Variants in SLC1A2 observed in about 807,000 individuals in gnomAD.
The protein encoded by SLC1A2 is solute carrier family 1 member 2.
A neutral mutation model predicts 48.8 loss-of-function variants in SLC1A2; 15 were observed. The ratio of observed to expected loss-of-function variants is 0.31; its 90% CI spans 0.21 to 0.47. The LOEUF (loss-of-function observed/expected upper bound fraction) is 0.47, where lower values mean the gene tolerates loss of function less well. SLC1A2 is among the 20% of genes least tolerant of loss of function. The pLI is 0.99. For synonymous variants in SLC1A2, 279 were observed against 272.6 expected (o/e 1.02, Z -0.23); for missense variants, 502 against 730.5 (o/e 0.69, Z 3.61).
intron 4 of SLC1A2, among the ~76,000 whole-genome samples, chr11:35,310,531 A>T (rs1851654408): frequency 6.6e-6 from 1 of 152,244 alleles, no homozygotes. Flanking sequence ...ACCAGGGAAC[A>T]TATCCCAACC....
intron 1 of SLC1A2, among the ~76,000 whole-genome samples, chr11:35,403,278 G>A (rs1034695966): frequency 6.6e-6 from 1 of 152,228 alleles, no homozygotes; most frequent in African/African-American, 2.4e-5. Context: ...CTACTGAGTG[G>A]TGGAACAGGA....
At position 35,341,881 on chromosome 11, in the gene SLC1A2, G is replaced by A. The variant is rs1392171557; in HGVS notation, c.18-24365C>T. The stretch of plus-strand genomic sequence containing the variant: ...ACCTAAATGTCATCAATAGAGGAGT[G>A]CTTAATAAATTCTGATATATTTTGA... On this transcript the variant is annotated intron_variant, in intron 1 of 10. Transcript: ENST00000278379. Among the ~76,000 whole-genome samples the A allele has an allele frequency of 5.3e-5, 8 of 152,222 alleles. No individual in the cohort carries two copies. The South Asian group carries it at 1.4e-3, about 28-fold the overall frequency.
intron 1 of SLC1A2, chr11:35,323,069 C>T (rs1852129089): frequency 5.3e-6 from 2 of 378,954 alleles, no homozygotes; most frequent in Non-Finnish European, 9.6e-6. Flanking sequence ...CCAAAGTCTC[C>T]TTCAGTCCCT....
chr11:35,353,995 T>C (rs1853364915), intron 1 of SLC1A2, among the ~76,000 whole-genome samples: 1 of 152,212 alleles, frequency 6.6e-6, no homozygotes, highest in Non-Finnish European at 1.5e-5. Flanking sequence ...TTAAAAATCC[T>C]ATAATCCTGG....
At chr11:35,295,562 G>A (rs1042839809) in intron 6 of SLC1A2, among the ~76,000 whole-genome samples, 2 of 152,198 alleles carry the variant, frequency 1.3e-5, no homozygotes, top group African/African-American at 4.8e-5. Context: ...AGGGCTCCAC[G>A]GAGAGTTCTG....
intron 1 of SLC1A2, among the ~76,000 whole-genome samples, chr11:35,319,807 A>T (rs1234867430): frequency 6.6e-6 from 1 of 152,236 alleles, no homozygotes; most frequent in Non-Finnish European, 1.5e-5. Flanking sequence ...GCCACATCAA[A>T]GTGGCTACAT....
At chr11:35,377,649 G>GA (rs965729366) in intron 1 of SLC1A2, among the ~76,000 whole-genome samples, 3 of 151,744 alleles carry the variant, frequency 2.0e-5, no homozygotes, top group South Asian at 2.1e-4. Context: ...CTCGCAAGAT[G>GA]AAAAAAAATC....
chr11:35,337,063 C>A (rs3899568), intron 1 of SLC1A2, among the ~76,000 whole-genome samples: 1 of 152,042 alleles, frequency 6.6e-6, no homozygotes, highest in Admixed American at 6.6e-5. Flanking sequence ...AAAAAAAGAG[C>A]TAAAGAGTTG....
chr11:35,348,962 G>A (rs1853141835), intron 1 of SLC1A2, among the ~76,000 whole-genome samples: 1 of 151,868 alleles, frequency 6.6e-6, no homozygotes, highest in Non-Finnish European at 1.5e-5. Context: ...AAAGGAGAAG[G>A]ATGTGTGCTG....
chr11:35,387,163 A>G (rs1816031848), intron 1 of SLC1A2, among the ~76,000 whole-genome samples: 1 of 152,148 alleles, frequency 6.6e-6, no homozygotes, highest in East Asian at 1.9e-4. Context: ...ATCCTGGTCA[A>G]TCAATCACTG....
chr11:35,315,155 AC>A lies in SLC1A2; in HGVS notation c.177del (p.Cys60ValfsTer18). The A allele has an allele frequency of 6.2e-7, 1 of 1,613,770 alleles. No homozygotes were observed. The highest frequency in any genetic ancestry group is 8.5e-7 in the Non-Finnish European group (1 of 1,179,752). Reference sequence around the variant, plus strand: ...GATGCCAAGCGAAGAAGCCCTCCACACACTGCTCCCAGGATGACACCTAAAA... The same window carrying A: ...GATGCCAAGCGAAGAAGCCCTCCACAACTGCTCCCAGGATGACACCTAAAA... ...LTVFGVILGAVCGGLLRLASP... is the reference protein window; with the variant it reads ...LTVFGVILGAXCGGLLRLASP... On this transcript the variant is annotated frameshift_variant, in exon 3 of 11. Coordinates refer to ENST00000278379, the MANE Select transcript of SLC1A2 (RefSeq NM_004171.4). LOFTEE classifies it high-confidence loss of function.
intron 1 of SLC1A2, among the ~76,000 whole-genome samples, chr11:35,339,082 G>C (rs1852742550): frequency 1.3e-5 from 2 of 152,204 alleles, no homozygotes; most frequent in South Asian, 4.1e-4. Context: ...AGACCCAGTA[G>C]AGTACTGGCT....
intron 1 of SLC1A2, among the ~76,000 whole-genome samples, chr11:35,334,673 C>T (rs1852555339): frequency 6.6e-6 from 1 of 151,068 alleles, no homozygotes; most frequent in Non-Finnish European, 1.5e-5. Flanking sequence ...AAGATTAGAA[C>T]TCTCTAGAGC....
intron 1 of SLC1A2, among the ~76,000 whole-genome samples, chr11:35,327,613 G>A (rs1417051415): frequency 6.6e-6 from 1 of 152,120 alleles, no homozygotes; most frequent in Non-Finnish European, 1.5e-5. Flanking sequence ...TTCTCCTTGT[G>A]TTCATCTTTC....
chr11:35,291,792 G>C (rs1381136698), intron 7 of SLC1A2: 1 of 159,632 alleles, frequency 6.3e-6, no homozygotes, highest in Non-Finnish European at 1.4e-5. Flanking sequence ...CGAGGTCAAA[G>C]ACTTGGCCGA....
At chr11:35,300,590 T>C (rs1420829394) in intron 6 of SLC1A2, among the ~76,000 whole-genome samples, 1 of 152,244 alleles carries the variant, frequency 6.6e-6, no homozygotes, top group Non-Finnish European at 1.5e-5. Context: ...AGTACCTTGA[T>C]CTTGGACTTG....
chr11:35,284,786 C>A (rs1398553874), intron 8 of SLC1A2, among the ~76,000 whole-genome samples: 1 of 152,138 alleles, frequency 6.6e-6, no homozygotes, highest in Non-Finnish European at 1.5e-5. Flanking sequence ...CAATATCAGC[C>A]CCTAGAACAC....
intron 8 of SLC1A2, 126 bp downstream of exon 8, chr11:35,286,631 C>G (rs901440611): frequency 1.3e-4 from 86 of 660,192 alleles, no homozygotes; most frequent in Non-Finnish European, 1.8e-4. Flanking sequence ...AATAGTTTCT[C>G]TTTTTTTATT....
upstream of SLC1A2, chr11:35,420,445 C>G (rs1282763360): frequency 6.6e-6 from 1 of 152,304 alleles, no homozygotes; most frequent in Non-Finnish European, 1.5e-5. Context: ...CAGGCAAAGC[C>G]TCACTTTCCT....
Sources: allele counts gnomAD v4.1 joint callset (sites outside exome capture counted in the v4.1 genomes callset), GRCh38; gene constraint gnomAD v4.1.1; transcripts MANE v1.5; gene names NCBI Gene and HGNC (gene_info 2026-07-23, HGNC 2026-07-21).